TRIM55: variants seen among roughly 807,000 people sequenced by gnomAD.
The protein encoded by TRIM55 is tripartite motif-containing protein 55.
In TRIM55, 50 loss-of-function variants were observed where a neutral mutation model predicts 60.9. The ratio of observed to expected loss-of-function variants is 0.82; its 90% CI spans 0.65 to 1.04. The LOEUF is 1.04. TRIM55 is among the 50% of genes least tolerant of loss of function. TRIM55 has a pLI of 0.00. For missense variants in TRIM55, 681 were observed against 666.9 expected (o/e 1.02, Z -0.23); for synonymous variants, 237 against 238.1 (o/e 1.00, Z 0.04).
chr8:66,150,847 A>G (rs1049847512), intron 7 of TRIM55, among the ~76,000 whole-genome samples: 2 of 152,096 alleles, frequency 1.3e-5, no homozygotes, highest in African/African-American at 4.8e-5. Flanking sequence ...TTGAATTATT[A>G]GAGAGGTAGG....
At chr8:66,124,686 A>G (rs886568070), upstream of TRIM55, among the ~76,000 whole-genome samples, 1 of 152,272 alleles carries the variant, frequency 6.6e-6, no homozygotes, top group Non-Finnish European at 1.5e-5. Flanking sequence ...GAACTGCGTC[A>G]GGCAAACCTG....
chr8:66,150,396 G>A lies in TRIM55; in HGVS notation c.915G>A (p.Glu305=). 6.2e-7 allele frequency: 1 copy of A among 1,614,198 alleles called. No homozygotes were observed. The highest frequency in any genetic ancestry group is 8.5e-7 in the Non-Finnish European group (1 of 1,180,010). Residue 305 remains glutamate (E), a synonymous_variant, in exon 7 of 10, where the codon GAG becomes GAA. Coordinates refer to ENST00000315962, the MANE Select transcript of TRIM55 (RefSeq NM_184085.2). ...FQMEKIEHGY[E]NMNHFTVNLN... ...TGGAGAAAATAGAACATGGCTATGA[G>A]AACATGAACCACTTCACAGTCAACC...
At chr8:66,135,853 G>T (rs982819997) in intron 3 of TRIM55, among the ~76,000 whole-genome samples, 1 of 152,058 alleles carries the variant, frequency 6.6e-6, no homozygotes, top group Non-Finnish European at 1.5e-5. Context: ...TCATGAGCAG[G>T]TCAGAATTTA....
At chr8:66,118,042 C>A in the TRIM55 span, among the ~76,000 whole-genome samples, 2 of 150,150 alleles carry the variant, frequency 1.3e-5, no homozygotes, top group South Asian at 2.1e-4. Flanking sequence ...GGTGGCGGGC[C>A]CCTGTAGTCC....
intron 9 of TRIM55, among the ~76,000 whole-genome samples, chr8:66,172,714 T>C (rs1003014436): frequency 2.0e-5 from 3 of 152,188 alleles, no homozygotes; most frequent in Non-Finnish European, 4.4e-5. Flanking sequence ...GAAAACACAT[T>C]ACCCAACTTG....
intron 3 of TRIM55, 52 bp from the exon 4 acceptor site, chr8:66,137,043 G>T: frequency 6.8e-7 from 1 of 1,464,900 alleles, no homozygotes; most frequent in East Asian, 2.3e-5. Context: ...ATTCACAGTC[G>T]GGGTGGCTAG....
the TRIM55 span, among the ~76,000 whole-genome samples, chr8:66,114,155 C>G: frequency 6.9e-6 from 1 of 145,738 alleles, no homozygotes; most frequent in Non-Finnish European, 1.5e-5. Flanking sequence ...TGACCCTTCT[C>G]TAAAGGAACA....
intron 4 of TRIM55, among the ~76,000 whole-genome samples, chr8:66,139,476 TC>T (rs200567714): frequency 0.025 from 3,777 of 151,690 alleles, 135 homozygotes; most frequent in African/African-American, 0.086. Context: ...TAGAAGCCGA[TC>T]AGGGGCATGG....
At chr8:66,154,490 G>A (rs1259478753) in intron 9 of TRIM55, among the ~76,000 whole-genome samples, 156 bp downstream of exon 9, 1 of 152,204 alleles carries the variant, frequency 6.6e-6, no homozygotes, top group Non-Finnish European at 1.5e-5. Context: ...ATGTTGGCTT[G>A]TTTTGAGCTC....
intron 9 of TRIM55, among the ~76,000 whole-genome samples, chr8:66,155,871 C>A (rs1446218947): frequency 6.6e-6 from 1 of 152,202 alleles, no homozygotes; most frequent in Non-Finnish European, 1.5e-5. Flanking sequence ...CAAGCTCACA[C>A]AATGCAATCG....
intron 9 of TRIM55, among the ~76,000 whole-genome samples, chr8:66,171,671 A>G (rs371866436): frequency 2.0e-5 from 3 of 152,382 alleles, no homozygotes. Flanking sequence ...TCTGTGATAA[A>G]GGAGAGACAG....
chr8:66,170,779 C>T (rs1375004666), intron 9 of TRIM55, among the ~76,000 whole-genome samples: 1 of 152,198 alleles, frequency 6.6e-6, no homozygotes, highest in East Asian at 1.9e-4. Context: ...CCATAAAATC[C>T]TGCAATTCCA....
At position 66,147,813 on chromosome 8, in the gene TRIM55, A is replaced by AAAC. The variant is rs1554528460; in HGVS notation, c.604-1830_604-1829insCAA. Among the ~76,000 whole-genome samples, 122 of 144,518 alleles carry AAAC rather than the reference A, an allele frequency of 8.4e-4. 2 individuals carry two copies. The highest frequency in any genetic ancestry group is 2.6e-3 in the African/African-American group (97 of 36,974). 94.8% of individuals were successfully genotyped at this position (144,518 alleles called of 152,430 possible). ...CCATCTCAAAAAAAAAAAAAAAAAA[A>AAAC]AAAACCACAAAATCTATTCAACAGA... On this transcript the variant is annotated intron_variant, in intron 4 of 9. Coordinates refer to ENST00000315962, the MANE Select transcript of TRIM55 (RefSeq NM_184085.2).
At chr8:66,134,944 GC>G (rs753809169) in intron 2 of TRIM55, 45 bp from the exon 3 acceptor site, 1 of 1,599,378 alleles carries the variant, frequency 6.3e-7, no homozygotes, top group Admixed American at 1.7e-5. Context: ...TGATGAGATT[GC>G]CCCAGTGAGA....
intron 2 of TRIM55, 136 bp downstream of exon 2, chr8:66,128,612 G>C: frequency 1.2e-5 from 11 of 899,106 alleles, no homozygotes; most frequent in Non-Finnish European, 1.6e-5. Context: ...TTCCAAGTCA[G>C]TCCTTCCCAG....
At chr8:66,132,140 G>A (rs990487296) in intron 2 of TRIM55, among the ~76,000 whole-genome samples, 5 of 152,204 alleles carry the variant, frequency 3.3e-5, no homozygotes, top group African/African-American at 9.6e-5. Flanking sequence ...TGGAGAAGCT[G>A]AGCTGAAATG....
chr8:66,118,286 TGAA>T, the TRIM55 span, among the ~76,000 whole-genome samples: 8 of 151,372 alleles, frequency 5.3e-5, no homozygotes, highest in South Asian at 8.4e-4. Context: ...ACAACAGATT[TGAA>T]GAAGGAGTGA....
At chr8:66,141,117 T>C (rs1420682464) in intron 4 of TRIM55, among the ~76,000 whole-genome samples, 4 of 152,228 alleles carry the variant, frequency 2.6e-5, no homozygotes, top group Non-Finnish European at 5.9e-5. Context: ...AGACCAGCCC[T>C]GAAGCAATGC....
At chr8:66,139,308 T>G (rs1809667843) in intron 4 of TRIM55, among the ~76,000 whole-genome samples, 1 of 152,138 alleles carries the variant, frequency 6.6e-6, no homozygotes, top group African/African-American at 2.4e-5. Context: ...CTGTCTGGGA[T>G]GGAGAAGCTG....
Sources: gnomAD v4.1 joint callset for allele counts (sites outside exome capture counted in the v4.1 genomes callset) on GRCh38, gnomAD v4.1.1 for gene constraint, MANE v1.5 for transcripts, NCBI Gene and HGNC (gene_info 2026-07-23, HGNC 2026-07-21) for gene names.